Variants in CPA5 observed in about 807,000 individuals in gnomAD.
The protein encoded by CPA5 is carboxypeptidase A5.
Under a neutral mutation model 52.2 loss-of-function variants are expected in CPA5, and 38 were observed. That is an observed-to-expected ratio of 0.73 (90% CI 0.56 to 0.95). The LOEUF is 0.95. Among genes scored for constraint, CPA5 ranks in the 40% least tolerant of loss-of-function variants. CPA5 has a pLI of 0.00. For synonymous variants in CPA5, 198 were observed against 213.7 expected (o/e 0.93, Z 0.64); for missense variants, 519 against 566.7 (o/e 0.92, Z 0.86).
chr7:130,365,001 C>T (rs1795998243), intron 10 of CPA5, among the ~76,000 whole-genome samples: 1 of 152,254 alleles, frequency 6.6e-6, no homozygotes. Flanking sequence ...TTTGGCTCCA[C>T]AGGGGACGGT....
downstream of CPA5, among the ~76,000 whole-genome samples, chr7:130,371,004 G>A (rs562602417): frequency 3.7e-4 from 57 of 152,320 alleles, no homozygotes; most frequent in African/African-American, 1.3e-3. Context: ...ATTCTCTAGA[G>A]TACTTCCTGG....
At chr7:130,348,852 A>T (rs1420028768) in intron 4 of CPA5, among the ~76,000 whole-genome samples, 1 of 152,196 alleles carries the variant, frequency 6.6e-6, no homozygotes, top group Non-Finnish European at 1.5e-5. Flanking sequence ...AAAAACATTA[A>T]ACGGAAAATT....
intron 4 of CPA5, among the ~76,000 whole-genome samples, chr7:130,348,104 A>C (rs558712367): frequency 1.3e-3 from 191 of 152,164 alleles, no homozygotes; most frequent in African/African-American, 4.3e-3. Flanking sequence ...TACATGACCC[A>C]TCAGGGCACC....
Position 130,367,369 on chromosome 7 carries a change from C to T in CPA5, c.839-3C>T. The T allele has an allele frequency of 6.2e-7, 1 of 1,613,888 alleles. No individual in the cohort carries two copies. The highest frequency in any genetic ancestry group is 2.2e-5 in the East Asian group (1 of 44,880). On this transcript the variant is annotated splice_region_variant and splice_polypyrimidine_tract_variant and intron_variant, in intron 10 of 12. Transcript: ENST00000474905. The stretch of plus-strand genomic sequence containing the variant: ...TCTTTGGGTGGCTTTATTTTACTTC[C>T]AGGAAATGGTTCTAACAGCAACCCC...
intron 5 of CPA5, 146 bp from the exon 6 acceptor site, chr7:130,359,443 C>T (rs1173938614): frequency 8.6e-6 from 5 of 579,378 alleles, no homozygotes; most frequent in African/African-American, 7.6e-5. Context: ...CTGGACCTTC[C>T]TTCTGTTGTG....
chr7:130,366,692 C>A (rs1443063019), intron 10 of CPA5, among the ~76,000 whole-genome samples: 4 of 152,198 alleles, frequency 2.6e-5, no homozygotes, highest in African/African-American at 7.2e-5. Flanking sequence ...AAGTTCATGG[C>A]GCACCTGGGG....
downstream of CPA5, among the ~76,000 whole-genome samples, chr7:130,373,026 G>T (rs1796308813): frequency 6.6e-6 from 1 of 152,198 alleles, no homozygotes; most frequent in Non-Finnish European, 1.5e-5. Context: ...TAAGGCCAGG[G>T]GGGTGCTCTA....
chr7:130,361,834 G>A (rs996982983), intron 7 of CPA5, among the ~76,000 whole-genome samples: 10 of 152,334 alleles, frequency 6.6e-5, no homozygotes, highest in Middle Eastern at 3.4e-3. Context: ...TGGACCCTGC[G>A]GGGCGTTTAG....
In CPA5 at chr7:130,367,442, G is replaced by A. The variant is rs1554408781; in HGVS notation, c.909G>A (p.Val303=). 1 of 1,614,128 alleles carries A rather than the reference G, an allele frequency of 6.2e-7. No homozygotes were observed. Among genetic ancestry groups the A allele is most frequent in the Admixed American group, 1.7e-5 (1 of 60,014 alleles). ...CCTCCCCTCAGTCGGAGCCGGAGGT[G>A]GCTGCCATAGTGAACTTCATCACAG... ...HGPSPQSEPE[V]AAIVNFITAH... Residue 303 remains valine (V), a synonymous_variant, in exon 11 of 13, where the codon GTG becomes GTA. Transcript: ENST00000474905.
chr7:130,347,331 C>T (rs1307386778), intron 3 of CPA5, among the ~76,000 whole-genome samples: 1 of 152,234 alleles, frequency 6.6e-6, no homozygotes, highest in Non-Finnish European at 1.5e-5. Flanking sequence ...TCGAGACAGA[C>T]CATGGCCTTG....
rs1796223867 is a variant in CPA5, at chr7:130,368,470, GCT to G, written c.1185_1186del (p.Phe396Ter). 2 of 1,614,158 alleles carry G rather than the reference GCT, an allele frequency of 1.2e-6. No individual in the cohort carries two copies. The highest frequency in any genetic ancestry group is 1.7e-6 in the Non-Finnish European group (2 of 1,180,030). The stretch of plus-strand genomic sequence containing the variant: ...GACAGTGGCATCAAGTACGCCTTCA[GCT>G]TTGAGCTCCGGGACACTGGGCAGTA... On this transcript the variant is annotated frameshift_variant, in exon 13 of 13. Transcript: ENST00000474905. LOFTEE classifies it high-confidence loss of function.
At chr7:130,346,324 G>A in intron 2 of CPA5, 69 bp from the exon 3 acceptor site, 1 of 533,820 alleles carries the variant, frequency 1.9e-6, no homozygotes, top group Non-Finnish European at 3.3e-6. Context: ...GGCAGCCCTA[G>A]CTCTCCCAAG....
intron 4 of CPA5, among the ~76,000 whole-genome samples, chr7:130,349,167 T>C (rs1404551165): frequency 2.0e-5 from 3 of 152,202 alleles, no homozygotes; most frequent in Admixed American, 6.5e-5. Context: ...GTGTGGTGGC[T>C]CATGCCTGCA....
intron 9 of CPA5, 48 bp downstream of exon 9, chr7:130,363,042 A>C: frequency 8.5e-7 from 1 of 1,169,922 alleles, no homozygotes; most frequent in Non-Finnish European, 1.3e-6. Context: ...CTCTAGGGGG[A>C]TGGAGAAAAG....
intron 10 of CPA5, among the ~76,000 whole-genome samples, chr7:130,366,852 T>G (rs1796114767): frequency 6.6e-6 from 1 of 152,204 alleles, no homozygotes; most frequent in African/African-American, 2.4e-5. Flanking sequence ...ATGCAACTTC[T>G]GAGCCAGGCC....
At chr7:130,345,575 T>C (rs2117261691) in intron 1 of CPA5, 1 of 152,400 alleles carries the variant, frequency 6.6e-6, no homozygotes, top group South Asian at 2.1e-4. Context: ...CTGCTGTCTG[T>C]TGAGAACTCT....
chr7:130,359,744 T>G, intron 6 of CPA5, 57 bp downstream of exon 6: 1 of 1,252,494 alleles, frequency 8.0e-7, no homozygotes, highest in Non-Finnish European at 1.1e-6. Flanking sequence ...CCTTAGGGTC[T>G]CCTGACTCAG....
chr7:130,357,448 C>G (rs1159600481), intron 5 of CPA5, among the ~76,000 whole-genome samples: 1 of 152,002 alleles, frequency 6.6e-6, no homozygotes, highest in Admixed American at 6.6e-5. Flanking sequence ...ATGGAGAAAC[C>G]CTGTTTCTAC....
chr7:130,346,918 C>A (rs1554402363), intron 3 of CPA5, among the ~76,000 whole-genome samples: 2 of 152,212 alleles, frequency 1.3e-5, no homozygotes, highest in African/African-American at 4.8e-5. Context: ...GCATTCATAG[C>A]TTTCCTCCGA....
Sources: allele counts gnomAD v4.1 joint callset (sites outside exome capture counted in the v4.1 genomes callset), GRCh38; gene constraint gnomAD v4.1.1; transcripts MANE v1.5; gene names NCBI Gene and HGNC (gene_info 2026-07-23, HGNC 2026-07-21).